The following ME3 variants were observed in gnomAD, a reference collection of about 807,000 sequenced individuals.
ME3 encodes the protein NADP-dependent malic enzyme, mitochondrial.
ME3 carries 48 observed loss-of-function variants against 68.9 expected under a neutral mutation model. The ratio of observed to expected loss-of-function variants is 0.70; its 90% CI spans 0.55 to 0.89. The LOEUF (loss-of-function observed/expected upper bound fraction) is 0.89. ME3 is among the 40% of genes least tolerant of loss of function. The probability of loss-of-function intolerance (pLI) is 0.00; values close to 1 mark genes in which losing one functional copy is unlikely to be tolerated. For missense variants in ME3, 675 were observed against 797.4 expected (o/e 0.85, Z 1.85); for synonymous variants, 320 against 318.8 (o/e 1.00, Z -0.04).
intron 4 of ME3, among the ~76,000 whole-genome samples, chr11:86,539,463 T>C (rs1955900948): frequency 1.3e-5 from 2 of 152,198 alleles, no homozygotes; most frequent in South Asian, 4.1e-4. Context: ...AGCTGTAAAC[T>C]CCTCAAAAAC....
chr11:86,550,129 C>T (rs942587407), intron 4 of ME3, among the ~76,000 whole-genome samples: 1 of 152,192 alleles, frequency 6.6e-6, no homozygotes, highest in Non-Finnish European at 1.5e-5. Flanking sequence ...TGATTTACAG[C>T]TCTCCAGACA....
chr11:86,592,583 C>T (rs947980552), intron 2 of ME3, among the ~76,000 whole-genome samples: 2 of 152,050 alleles, frequency 1.3e-5, no homozygotes, highest in Non-Finnish European at 2.9e-5. Context: ...TCATTGTAAC[C>T]AGTGAGAAGG....
At chr11:86,476,499 A>G (rs980654241) in intron 7 of ME3, among the ~76,000 whole-genome samples, 2 of 152,130 alleles carry the variant, frequency 1.3e-5, no homozygotes, top group Admixed American at 6.5e-5. Flanking sequence ...TCTGTTTCTC[A>G]TTTCTGTACA....
intron 2 of ME3, among the ~76,000 whole-genome samples, chr11:86,634,504 C>G (rs1250755569): frequency 6.6e-6 from 1 of 152,146 alleles, no homozygotes; most frequent in East Asian, 1.9e-4. Flanking sequence ...TTACCTGTGT[C>G]TCAGCAAAGT....
At chr11:86,611,118 A>G (rs1440769239) in intron 2 of ME3, among the ~76,000 whole-genome samples, 2 of 152,326 alleles carry the variant, frequency 1.3e-5, no homozygotes, top group East Asian at 3.9e-4. Context: ...CCTGGAGGAC[A>G]TTAAGTTAAG....
At chr11:86,495,708 A>G (rs1336650358) in intron 6 of ME3, among the ~76,000 whole-genome samples, 1 of 152,198 alleles carries the variant, frequency 6.6e-6, no homozygotes, top group Non-Finnish European at 1.5e-5. Flanking sequence ...GGTTTTGATG[A>G]GCAGCTGTAA....
chr11:86,512,518 A>C (rs939432414), intron 4 of ME3, among the ~76,000 whole-genome samples: 15 of 152,234 alleles, frequency 9.9e-5, no homozygotes, highest in African/African-American at 3.4e-4. Flanking sequence ...TAAAGATGAT[A>C]ATGATAGTTG....
chr11:86,487,354 C>T, exon 7 of ME3: 1 of 1,614,130 alleles, frequency 6.2e-7, no homozygotes, highest in Non-Finnish European at 8.5e-7. Flanking sequence ...TCACAGCCTG[C>T]ATGAACTCAT....
intron 2 of ME3, among the ~76,000 whole-genome samples, chr11:86,572,639 A>G (rs1440332088): frequency 6.6e-6 from 1 of 152,180 alleles, no homozygotes; most frequent in African/African-American, 2.4e-5. Context: ...ATCGTATTCC[A>G]TCATATATAT....
At chr11:86,588,442 T>G (rs962168632) in intron 2 of ME3, among the ~76,000 whole-genome samples, 2 of 152,186 alleles carry the variant, frequency 1.3e-5, no homozygotes, top group African/African-American at 4.8e-5. Context: ...CACACAAATA[T>G]AGATGATGCA....
Position 86,507,976 on chromosome 11 carries a change from CAA to C in ME3, c.543+814_543+815del, listed in dbSNP as rs60253913. Among the ~76,000 whole-genome samples, 404 of 143,132 alleles carry C rather than the reference CAA, an allele frequency of 2.8e-3. 1 individual carries two copies. The highest frequency in any genetic ancestry group is 7.1e-3 in the South Asian group (32 of 4,480). 93.9% of individuals were successfully genotyped at this position (143,132 alleles called of 152,430 possible). ...TGGACGACAGAGTGAGACTCTGTCT[CAA>C]AAAAAAAAAAAAATATGGCAACTTT... is the stretch of plus-strand genomic sequence containing the variant. On this transcript the variant is annotated intron_variant, in intron 5 of 14. Transcript: ENST00000543262.
intron 7 of ME3, 24 bp downstream of exon 7, chr11:86,487,313 A>G: frequency 1.3e-6 from 2 of 1,598,458 alleles, no homozygotes; most frequent in Non-Finnish European, 1.7e-6. Context: ...TCCTCTTTCA[A>G]AAGGGACAGA....
exon 2 of ME3, chr11:86,671,957 AC>A: frequency 7.1e-7 from 1 of 1,399,786 alleles, no homozygotes; most frequent in Admixed American, 3.8e-5. Context: ...TCCTTGGCAG[AC>A]CTGGCACGGG....
intron 2 of ME3, among the ~76,000 whole-genome samples, chr11:86,618,299 C>CAAAAAAAAAAAAAAAAAAAAAA (rs55824426): frequency 1.8e-5 from 1 of 55,932 alleles, no homozygotes; most frequent in Non-Finnish European, 3.1e-5. Context: ...GGCTCTGTCT[C>CAAAAAAAAAAAAAAAAAAAAAA]AAAAAAAAAA....
Position 86,569,614 on chromosome 11 carries a change from A to G in ME3, c.184-9791T>C, listed in dbSNP as rs56668010. On this transcript the variant is annotated intron_variant, in intron 2 of 14. Coordinates refer to ENST00000543262, the Ensembl canonical transcript of ME3. ...AGAAGCTAATGCAAGGTTATTGCACATAATATCATCATCCATAATAACAAT... is the reference window on the plus strand; with the variant it reads ...AGAAGCTAATGCAAGGTTATTGCACGTAATATCATCATCCATAATAACAAT... Among the ~76,000 whole-genome samples, 348 of 152,362 alleles carry G rather than the reference A, an allele frequency of 2.3e-3. 2 individuals are homozygous for G. Among genetic ancestry groups the G allele is most frequent in the African/African-American group, 6.9e-3 (286 of 41,584 alleles).
chr11:86,614,111 A>G (rs1267150996), intron 2 of ME3, among the ~76,000 whole-genome samples: 1 of 152,194 alleles, frequency 6.6e-6, no homozygotes, highest in African/African-American at 2.4e-5. Context: ...TGGTACTGGT[A>G]CCAAAACAGA....
At chr11:86,647,429 G>A (rs1193169425) in intron 2 of ME3, among the ~76,000 whole-genome samples, 3 of 151,534 alleles carry the variant, frequency 2.0e-5, no homozygotes, top group Admixed American at 6.6e-5. Flanking sequence ...AGCTTGCAGT[G>A]AGCCGACATC....
chr11:86,465,365 T>C (rs1950424011), intron 7 of ME3, among the ~76,000 whole-genome samples, 165 bp from the exon 8 acceptor site: 1 of 152,104 alleles, frequency 6.6e-6, no homozygotes, highest in Admixed American at 6.5e-5. Flanking sequence ...ACTCCTGGGC[T>C]TGGAGCTCTG....
intron 2 of ME3, among the ~76,000 whole-genome samples, chr11:86,650,620 C>A (rs551382207): frequency 2.0e-5 from 3 of 152,274 alleles, no homozygotes; most frequent in Admixed American, 2.0e-4. Context: ...AATGGGAAGT[C>A]AAGATGGCCA....
Sources: gnomAD v4.1 joint callset for allele counts (sites outside exome capture counted in the v4.1 genomes callset) on GRCh38, gnomAD v4.1.1 for gene constraint, MANE v1.5 for transcripts, NCBI Gene and HGNC (gene_info 2026-07-23, HGNC 2026-07-21) for gene names.